Variants in CD8B observed in about 807,000 individuals in gnomAD.
The protein encoded by CD8B is T-cell surface glycoprotein CD8 beta chain.
CD8B carries 6 observed loss-of-function variants against 24.2 expected under a neutral mutation model. The ratio of observed to expected loss-of-function variants is 0.25; its 90% CI spans 0.14 to 0.49. The LOEUF is 0.49. Ranked by LOEUF, CD8B falls within the 20% of genes least tolerant of loss-of-function variation. The probability of loss-of-function intolerance (pLI) is 0.98; values close to 1 mark genes in which losing one functional copy is unlikely to be tolerated. For missense variants in CD8B, 196 were observed against 271.3 expected, an observed-to-expected ratio of 0.72 and a Z score of 1.95; for synonymous variants, 84 against 108.3, an observed-to-expected ratio of 0.78 and a Z score of 1.39.
chr2:86,861,791 A>G lies in CD8B; in HGVS notation c.43+32T>C, dbSNP rs867754917. 143 of 1,258,668 alleles carry G rather than the reference A, an allele frequency of 1.1e-4. No individual in the cohort carries two copies. In the Middle Eastern group the frequency reaches 1.8e-3, roughly 16 times the overall value. The allele number at this position is 1,258,668 out of a possible 1,614,324, so 78.0% of individuals were successfully genotyped here. A position where few individuals can be genotyped will look rare whatever the true frequency, so the allele number is the denominator to read the frequency against. ...CCCCGCTCAGGCCCCGGGAGCGCAG[A>G]CCCTTGGGTAGCCCGCGCGCCGCCG... On this transcript the variant is annotated intron_variant, in intron 1 of 5. Coordinates refer to ENST00000390655, the MANE Select transcript of CD8B (RefSeq NM_004931.5).
At chr2:86,847,670 A>G (rs1346129552) in intron 3 of CD8B, among the ~76,000 whole-genome samples, 4 of 152,112 alleles carry the variant, frequency 2.6e-5, no homozygotes, top group Non-Finnish European at 5.9e-5. Flanking sequence ...GGTTCAAGCG[A>G]TTCTCCTGCC....
chr2:86,844,951 C>T lies in CD8B; in HGVS notation c.591G>A (p.Arg197=), dbSNP rs1675605399. ...TCATGAAACGAAGCCGGGCTCTCCT[C>T]CGCCGGCCTGGAAGAGGAAAGCAAG... The part of the protein sequence containing the change: ...LGVAIHLCCR[R]RRARLRFMKQ... Residue 197 remains arginine, a synonymous_variant, in exon 5 of 6, where the codon CGG becomes CGA. Transcript: ENST00000390655. The T allele has an allele frequency of 3.9e-6, 6 of 1,557,140 alleles. No individual in the cohort carries two copies. The South Asian group carries it at 4.7e-5, about 12-fold the overall frequency.
At chr2:86,827,590 C>A in intron 5 of CD8B, among the ~76,000 whole-genome samples, 1 of 150,586 alleles carries the variant, frequency 6.6e-6, no homozygotes, top group African/African-American at 2.5e-5. Flanking sequence ...CCACTGCACT[C>A]CAGCCTGGGT....
intron 2 of CD8B, among the ~76,000 whole-genome samples, chr2:86,856,242 G>A (rs762860047): frequency 3.3e-5 from 5 of 152,134 alleles, no homozygotes; most frequent in East Asian, 3.9e-4. Context: ...GAGTGAGTGC[G>A]GTTGGGATGG....
rs957555270 is a variant in CD8B, at chr2:86,838,931, G to A, written c.*3376C>T. On this transcript the variant is annotated 3_prime_UTR_variant, in exon 6 of 6. Transcript: ENST00000390655. ...ATAGCTCTAAAGTCAACATATCTGA[G>A]TGTACAGCTTGATGACTTTTACTAA... Among the ~76,000 whole-genome samples, 1 of 152,202 alleles carries A rather than the reference G, an allele frequency of 6.6e-6. No individual in the cohort carries two copies. Among genetic ancestry groups the A allele is most frequent in the Non-Finnish European group, 1.5e-5 (1 of 68,042 alleles).
At chr2:86,850,770 G>C (rs867609090) in intron 3 of CD8B, among the ~76,000 whole-genome samples, 1 of 152,090 alleles carries the variant, frequency 6.6e-6, no homozygotes, top group Non-Finnish European at 1.5e-5. Flanking sequence ...ATTTTGCCCT[G>C]GGAATTTACT....
chr2:86,858,430 A>C lies in CD8B; in HGVS notation c.44-14T>G. 25 of 1,569,478 alleles carry C rather than the reference A, an allele frequency of 1.6e-5. No individual in the cohort carries two copies. The highest frequency in any genetic ancestry group is 2.1e-5 in the Non-Finnish European group (24 of 1,154,860). On this transcript the variant is annotated splice_polypyrimidine_tract_variant and intron_variant, in intron 1 of 5. Transcript: ENST00000390655. ...TGCCATGGAGAACTAGGAAAAGCCA[A>C]GAACAGAGACATCACACATTTTCCT... is the stretch of plus-strand genomic sequence containing the variant.
rs1248329743 is a variant in CD8B at position 86,858,282 on chromosome 2, C to T, written c.178G>A (p.Ala60Thr). Residue 60 changes from alanine to threonine, a missense_variant, in exon 2 of 6, where the codon GCA (alanine) becomes ACA (threonine). Transcript: ENST00000390655. ...MRIYWLRQRQAPSSDSHHEFL... is the reference protein window; with the variant it reads ...MRIYWLRQRQTPSSDSHHEFL... ...TCGTGGTGACTGTCACTGCTCGGTGCCTGGCGCTGTCTCAGCCAGTAGATG... is the reference window on the plus strand; with the variant it reads ...TCGTGGTGACTGTCACTGCTCGGTGTCTGGCGCTGTCTCAGCCAGTAGATG... 13 of 1,613,910 alleles carry T rather than the reference C, an allele frequency of 8.1e-6. No homozygotes were observed. Among genetic ancestry groups the T allele is most frequent in the Middle Eastern group, 3.3e-4 (2 of 6,078 alleles).
intron 5 of CD8B, among the ~76,000 whole-genome samples, chr2:86,830,636 A>G (rs1183924243): frequency 6.6e-6 from 1 of 152,040 alleles, no homozygotes; most frequent in Non-Finnish European, 1.5e-5. Flanking sequence ...TGATATATTC[A>G]TAGAAGTGAA....
At chr2:86,827,607 G>A (rs1367208795) in intron 5 of CD8B, among the ~76,000 whole-genome samples, 1 of 144,792 alleles carries the variant, frequency 6.9e-6, no homozygotes, top group African/African-American at 2.6e-5. Flanking sequence ...GGGTCACAGA[G>A]CAAGACCCTA....
chr2:86,833,134 C>A (rs1487697618), intron 5 of CD8B: 10 of 281,162 alleles, frequency 3.6e-5, no homozygotes, highest in Non-Finnish European at 6.5e-5. Flanking sequence ...TTAAATAATT[C>A]CCTGCATCCT....
intron 4 of CD8B, among the ~76,000 whole-genome samples, chr2:86,845,897 T>C (rs1041426222): frequency 6.6e-6 from 1 of 152,160 alleles, no homozygotes; most frequent in Non-Finnish European, 1.5e-5. Flanking sequence ...TTTCATCGTA[T>C]GTTCAAAGGG....
downstream of CD8B, chr2:86,815,525 G>T: frequency 2.3e-6 from 2 of 858,234 alleles, no homozygotes; most frequent in Non-Finnish European, 4.0e-6. Context: ...TCTCTGCTGG[G>T]TGTGTGGGAG....
chr2:86,834,429 C>T (rs192058923), downstream of CD8B, among the ~76,000 whole-genome samples: 2 of 151,942 alleles, frequency 1.3e-5, no homozygotes, highest in Admixed American at 1.3e-4. Flanking sequence ...GAGGTCATGG[C>T]AGAAGAAATG....
At chr2:86,827,209 T>A (rs1674724517) in intron 5 of CD8B, among the ~76,000 whole-genome samples, 2 of 151,876 alleles carry the variant, frequency 1.3e-5, no homozygotes, top group South Asian at 4.2e-4. Context: ...GACTTGTTTA[T>A]GAGTGATTCT....
intron 3 of CD8B, among the ~76,000 whole-genome samples, chr2:86,847,718 G>A (rs1445410701): frequency 3.3e-5 from 5 of 151,964 alleles, no homozygotes; most frequent in Admixed American, 6.6e-5. Flanking sequence ...GGCGTCCGCC[G>A]TCATGCCTGG....
intron 5 of CD8B, among the ~76,000 whole-genome samples, chr2:86,826,615 C>T (rs548088492): frequency 2.0e-4 from 31 of 152,116 alleles, no homozygotes; most frequent in South Asian, 4.2e-4. Context: ...CTTACTGTGC[C>T]GCTGCTGGGT....
At chr2:86,820,281 T>C (rs570467643) in intron 5 of CD8B, among the ~76,000 whole-genome samples, 1 of 152,372 alleles carries the variant, frequency 6.6e-6, no homozygotes, top group Non-Finnish European at 1.5e-5. Flanking sequence ...GGTAAAATGC[T>C]ATCAAACAGC....
intron 5 of CD8B, among the ~76,000 whole-genome samples, chr2:86,826,330 A>G (rs185324055): frequency 1.3e-5 from 2 of 152,252 alleles, no homozygotes; most frequent in East Asian, 1.9e-4. Context: ...AACAATCAAA[A>G]CAAAACAGAG....
Sources: allele counts gnomAD v4.1 joint callset (sites outside exome capture counted in the v4.1 genomes callset), GRCh38; gene constraint gnomAD v4.1.1; transcripts MANE v1.5; gene names NCBI Gene and HGNC (gene_info 2026-07-23, HGNC 2026-07-21).